Variants in ZNF638 observed in about 807,000 individuals in gnomAD.
The protein encoded by ZNF638 is CTCL tumor antigen se33-1.
A neutral mutation model predicts 195.6 loss-of-function variants in ZNF638; 46 were observed. That is an observed-to-expected ratio of 0.24 (90% confidence interval 0.19 to 0.30). The LOEUF (loss-of-function observed/expected upper bound fraction) is 0.30, where lower values mean the gene tolerates loss of function less well. ZNF638 is among the 10% of genes least tolerant of loss of function. The pLI is 1.00. For missense variants in ZNF638, 2,440 were observed against 2,325.3 expected, an observed-to-expected ratio of 1.05 and a Z score of -1.01; for synonymous variants, 845 against 772.0, an observed-to-expected ratio of 1.09 and a Z score of -1.57.
intron 18 of ZNF638, 75 bp downstream of exon 18, chr2:71,405,717 G>A: frequency 8.9e-7 from 1 of 1,118,538 alleles, no homozygotes. Flanking sequence ...TTGCCTTTTA[G>A]GAATTAAAAC....
At chr2:71,348,479 T>A in intron 1 of ZNF638, 1 of 1,024,726 alleles carries the variant, frequency 9.8e-7, no homozygotes, top group Non-Finnish European at 1.2e-6. Context: ...GTAAAAGGAG[T>A]TGTAATTACT....
chr2:71,359,997 C>T (rs2079082059), intron 3 of ZNF638, among the ~76,000 whole-genome samples: 1 of 152,156 alleles, frequency 6.6e-6, no homozygotes, highest in Admixed American at 6.5e-5. Flanking sequence ...TCTTCAAAAC[C>T]ATCTACGAGG....
intron 1 of ZNF638, among the ~76,000 whole-genome samples, chr2:71,341,032 A>G (rs2104112809): frequency 6.6e-6 from 1 of 152,310 alleles, no homozygotes; most frequent in Non-Finnish European, 1.5e-5. Context: ...GTCTGCCCAT[A>G]TCTGTAAAGA....
intron 20 of ZNF638, among the ~76,000 whole-genome samples, chr2:71,414,480 G>C (rs1281603456): frequency 5.2e-5 from 2 of 38,302 alleles, no homozygotes; most frequent in Admixed American, 3.1e-4. Flanking sequence ...ATTTCCTTCA[G>C]TTCTGCTCTG....
chr2:71,334,610 A>G (rs1409166766), intron 1 of ZNF638: 1 of 152,222 alleles, frequency 6.6e-6, no homozygotes, highest in East Asian at 1.9e-4. Flanking sequence ...AGATGTAGAA[A>G]TAAAACACAC....
At chr2:71,408,978 GT>G (rs2080159349) in intron 20 of ZNF638, among the ~76,000 whole-genome samples, 1 of 151,916 alleles carries the variant, frequency 6.6e-6, no homozygotes, top group South Asian at 2.1e-4. Flanking sequence ...ATATATAAAA[GT>G]TTTTAGCTAT....
intron 6 of ZNF638, among the ~76,000 whole-genome samples, chr2:71,367,219 G>A (rs376232282): frequency 6.6e-6 from 1 of 151,524 alleles, no homozygotes; most frequent in South Asian, 2.1e-4. Context: ...AAGACTTCTA[G>A]GTGGTGGCAG....
At position 71,427,343 on chromosome 2, in the gene ZNF638, C is replaced by T. The variant is rs1470281785; in HGVS notation, c.5474C>T (p.Ser1825Phe). The T allele has an allele frequency of 1.9e-6, 3 of 1,605,012 alleles. No homozygotes were observed. Among genetic ancestry groups the T allele is most frequent in the Non-Finnish European group, 2.5e-6 (3 of 1,177,852 alleles). ...AAAAAGACAAAACTTGAATCCTTGTCCCAAGTGGGTCCAGTAAATGAGAAT... is the reference window on the plus strand; with the variant it reads ...AAAAAGACAAAACTTGAATCCTTGTTCCAAGTGGGTCCAGTAAATGAGAAT... ...DTKKTKLESL[S>F]QVGPVNENVM... The change falls in exon 24 of 28, where the codon TCC (serine) becomes TTC (phenylalanine). Residue 1825 changes from serine (S) to phenylalanine (F), a missense_variant. This residue lies in a region of ZNF638 where 1,883 missense variants were observed against 1,739.1 expected (regional missense o/e 1.08). Transcript: ENST00000264447.
intron 1 of ZNF638, among the ~76,000 whole-genome samples, chr2:71,337,137 GTT>G (rs34895501): frequency 1.4e-4 from 19 of 138,140 alleles, no homozygotes; most frequent in Admixed American, 2.9e-4. Context: ...ATTGCCTATA[GTT>G]TTTTTTTTTT....
At chr2:71,418,465 A>G (rs2080351509) in intron 20 of ZNF638, 137 bp from the exon 21 acceptor site, 4 of 520,262 alleles carry the variant, frequency 7.7e-6, no homozygotes, top group Non-Finnish European at 1.3e-5. Context: ...TAATGTAGAC[A>G]CTGAAAACTA....
At chr2:71,395,500 A>C in intron 10 of ZNF638, 1 of 606,630 alleles carries the variant, frequency 1.6e-6, no homozygotes, top group Non-Finnish European at 3.0e-6. Flanking sequence ...AAGGGCAAGA[A>C]GTAGGTAACA....
rs1481191192 is a variant in ZNF638 at position 71,365,513 on chromosome 2, A to C, written c.1802A>C (p.Asp601Ala). 3 of 1,614,002 alleles carry C rather than the reference A, an allele frequency of 1.9e-6. No homozygotes were observed. The highest frequency in any genetic ancestry group is 2.2e-5 in the East Asian group (1 of 44,882). The change falls in exon 6 of 28, where the codon GAT becomes GCT. Residue 601 changes from aspartate (D) to alanine (A), a missense_variant. This residue lies in a region of ZNF638 where 1,883 missense variants were observed against 1,739.1 expected (regional missense o/e 1.08). Transcript: ENST00000264447. ...AAACAGAAGCATCTTGAAGCTGCTG[A>C]TAAGGGACATTCACCAGCACAAAAG... ...FNKQKHLEAA[D>A]KGHSPAQKPK...
chr2:71,334,371 G>C (rs1254055862), intron 1 of ZNF638: 1 of 152,212 alleles, frequency 6.6e-6, no homozygotes, highest in South Asian at 2.1e-4. Flanking sequence ...GGAAACAGGC[G>C]CTAATGAATG....
intron 7 of ZNF638, 88 bp from the exon 8 acceptor site, chr2:71,369,794 GT>G: frequency 7.6e-7 from 1 of 1,313,758 alleles, no homozygotes; most frequent in Admixed American, 2.8e-5. Context: ...ATAGTTTGAT[GT>G]TACAAAAGAA....
At chr2:71,386,248 C>T (rs184513093) in intron 10 of ZNF638, among the ~76,000 whole-genome samples, 20 of 136,914 alleles carry the variant, frequency 1.5e-4, no homozygotes, top group Non-Finnish European at 2.1e-4. Context: ...GAACTGTGAT[C>T]GTGCTACTGT....
intron 1 of ZNF638, among the ~76,000 whole-genome samples, chr2:71,337,395 T>C (rs576435258): frequency 6.6e-6 from 1 of 152,290 alleles, no homozygotes; most frequent in Non-Finnish European, 1.5e-5. Flanking sequence ...CCAACTTCAA[T>C]GAATTTCACG....
intron 1 of ZNF638, among the ~76,000 whole-genome samples, chr2:71,339,703 A>T (rs2078732416): frequency 6.6e-6 from 1 of 152,194 alleles, no homozygotes; most frequent in African/African-American, 2.4e-5. Context: ...TCAGTAAAGC[A>T]GTAAATAGGG....
chr2:71,393,148 C>T (rs532980592), intron 10 of ZNF638, among the ~76,000 whole-genome samples: 1 of 150,862 alleles, frequency 6.6e-6, no homozygotes, highest in South Asian at 2.1e-4. Context: ...TAAAAATATG[C>T]TCAGAAAACA....
At chr2:71,407,948 C>T in intron 19 of ZNF638, 174 bp from the exon 20 acceptor site, 1 of 533,012 alleles carries the variant, frequency 1.9e-6, no homozygotes, top group Non-Finnish European at 3.2e-6. Flanking sequence ...GTTGCTTCTC[C>T]CTTTGTCTGT....
Sources: gnomAD v4.1 joint callset for allele counts (sites outside exome capture counted in the v4.1 genomes callset) on GRCh38, gnomAD v4.1.1 for gene constraint, gnomAD v4.1.1 regional missense constraint, MANE v1.5 for transcripts, NCBI Gene and HGNC (gene_info 2026-07-23, HGNC 2026-07-21) for gene names.